The following GADL1 variants were observed in gnomAD, a reference collection of about 807,000 sequenced individuals.
The protein encoded by GADL1 is GAD like acidic amino acid decarboxylase 1.
Under a neutral mutation model 69.5 loss-of-function variants are expected in GADL1, and 71 were observed. The ratio of observed to expected loss-of-function variants is 1.02; its 90% CI spans 0.84 to 1.25. The LOEUF is 1.25. Among genes scored for constraint, GADL1 ranks in the 50% most tolerant of loss-of-function variants. The pLI, the probability that GADL1 is intolerant of heterozygous loss-of-function variation, is 0.00. For missense variants in GADL1, 737 were observed against 631.8 expected, an observed-to-expected ratio of 1.17 and a Z score of -1.79; for synonymous variants, 254 against 214.4, an observed-to-expected ratio of 1.18 and a Z score of -1.62.
chr3:30,756,134 G>A (rs1171279705), intron 14 of GADL1, among the ~76,000 whole-genome samples: 5 of 152,254 alleles, frequency 3.3e-5, no homozygotes, highest in African/African-American at 7.2e-5. Flanking sequence ...GCCACTCTTC[G>A]GGGCACAGGA....
At chr3:30,801,128 A>G in intron 11 of GADL1, 40 bp from the exon 12 acceptor site, 1 of 1,499,814 alleles carries the variant, frequency 6.7e-7, no homozygotes. Flanking sequence ...TAAACTTTAG[A>G]ATATAACTTG....
intron 14 of GADL1, among the ~76,000 whole-genome samples, chr3:30,758,529 T>C (rs1696036841): frequency 6.7e-6 from 1 of 148,218 alleles, no homozygotes; most frequent in Non-Finnish European, 1.5e-5. Context: ...AACTACCTCA[T>C]AGAGGGTGGT....
chr3:30,878,621 A>G (rs865911371), intron 1 of GADL1, among the ~76,000 whole-genome samples: 30 of 151,970 alleles, frequency 2.0e-4, no homozygotes, highest in Admixed American at 5.9e-4. Context: ...AGGACACTCC[A>G]CTCAGAGGCC....
rs986781901 is a variant in GADL1, at chr3:30,741,688, C to T, written c.1393-13273G>A. On this transcript the variant is annotated intron_variant, in intron 14 of 14. Coordinates refer to ENST00000282538, the MANE Select transcript of GADL1 (RefSeq NM_207359.3). ...ATTATGATTAGAATTATATTAAGCC[C>T]ATGTATAAATTAGGGAAAAATTAAT... is the stretch of plus-strand genomic sequence containing the variant. Among the ~76,000 whole-genome samples the T allele has an allele frequency of 3.3e-5, 5 of 152,166 alleles. No homozygotes were observed. In the East Asian group the frequency reaches 5.8e-4, roughly 18 times the overall value.
chr3:30,763,838 G>A (rs1379497115), intron 14 of GADL1, among the ~76,000 whole-genome samples: 1 of 151,756 alleles, frequency 6.6e-6, no homozygotes, highest in Admixed American at 6.5e-5. Context: ...CTTTTGACCA[G>A]AAAATTCTAA....
At chr3:30,793,060 G>A (rs1018104959) in intron 12 of GADL1, among the ~76,000 whole-genome samples, 7 of 152,096 alleles carry the variant, frequency 4.6e-5, no homozygotes, top group African/African-American at 1.7e-4. Flanking sequence ...ATATCCTAAT[G>A]AGTACTTCGA....
At chr3:30,793,812 C>T (rs115717279) in intron 12 of GADL1, among the ~76,000 whole-genome samples, 1,639 of 152,222 alleles carry the variant, frequency 0.011, 28 homozygotes, top group African/African-American at 0.038. Context: ...AGCCGCTTAG[C>T]GCCTCCCTGA....
intron 14 of GADL1, among the ~76,000 whole-genome samples, chr3:30,741,358 T>C (rs1349331994): frequency 6.6e-6 from 1 of 151,742 alleles, no homozygotes; most frequent in African/African-American, 2.4e-5. Flanking sequence ...TGCATAGAGA[T>C]ACACTCCTAC....
intron 1 of GADL1, among the ~76,000 whole-genome samples, chr3:30,882,326 T>C (rs1230904247): frequency 6.6e-6 from 1 of 151,896 alleles, no homozygotes; most frequent in South Asian, 2.1e-4. Context: ...TGTATACTCA[T>C]TGAATAATTC....
chr3:30,842,260 C>T (rs565165046), intron 8 of GADL1, among the ~76,000 whole-genome samples: 1 of 152,152 alleles, frequency 6.6e-6, no homozygotes, highest in African/African-American at 2.4e-5. Context: ...TTAAACAAAA[C>T]TATGGTATGT....
intron 1 of GADL1, among the ~76,000 whole-genome samples, chr3:30,863,349 C>T (rs951075642): frequency 1.3e-5 from 2 of 151,904 alleles, no homozygotes; most frequent in Non-Finnish European, 2.9e-5. Context: ...TTCAACCTTG[C>T]AGCTTAAGCA....
At chr3:30,770,865 G>A (rs1436710970) in intron 14 of GADL1, among the ~76,000 whole-genome samples, 1 of 152,132 alleles carries the variant, frequency 6.6e-6, no homozygotes. Context: ...TTTATAATGA[G>A]GACATCTGTA....
chr3:30,875,198 A>G (rs1332770917), intron 1 of GADL1, among the ~76,000 whole-genome samples: 1 of 149,388 alleles, frequency 6.7e-6, no homozygotes, highest in Non-Finnish European at 1.5e-5. Flanking sequence ...AAGCAGCCAG[A>G]CTCAAGGATA....
At chr3:30,786,726 T>G (rs936212672) in intron 12 of GADL1, among the ~76,000 whole-genome samples, 1 of 152,192 alleles carries the variant, frequency 6.6e-6, no homozygotes, top group Non-Finnish European at 1.5e-5. Flanking sequence ...ATACTGTAAA[T>G]GGGGGATTTA....
rs75068512 is a variant in GADL1, at chr3:30,835,477, C to G, written c.904-1196G>C. 4.9e-3 allele frequency among the ~76,000 whole-genome samples: 748 copies of G among 152,044 alleles called. 39 individuals are homozygous for G. In the East Asian group the frequency reaches 0.084, roughly 17 times the overall value. On this transcript the variant is annotated intron_variant, in intron 9 of 14. Transcript: ENST00000282538. Reference sequence around the variant, plus strand: ...TCCTCAGAGTATTACAAAATTTGGGCCCATTGGTAGCCAATAACAAGAAAG... The same window carrying G: ...TCCTCAGAGTATTACAAAATTTGGGGCCATTGGTAGCCAATAACAAGAAAG...
chr3:30,815,696 T>C (rs972217722), intron 11 of GADL1, among the ~76,000 whole-genome samples: 2 of 152,226 alleles, frequency 1.3e-5, no homozygotes, highest in South Asian at 4.1e-4. Flanking sequence ...TCAGCATTAC[T>C]ACTTCATTTT....
chr3:30,861,649 C>A lies in GADL1; in HGVS notation c.154G>T (p.Ala52Ser). The A allele has an allele frequency of 6.5e-7, 1 of 1,550,344 alleles. No individual in the cohort carries two copies. The change falls in exon 2 of 15, where the codon GCC becomes TCC. Residue 52 changes from alanine (A) to serine (S), a missense_variant. Transcript: ENST00000282538. ...AKAGEKFVEE[A>S]CRLIMEEVVL... ...ACCTCTTCCATTATTAGCCTACAGG[C>A]CTCTTCAACAAATTTTTCTCCAGCT...
At chr3:30,818,753 A>AC (rs1287224461) in intron 11 of GADL1, among the ~76,000 whole-genome samples, 6 of 151,788 alleles carry the variant, frequency 4.0e-5, no homozygotes, top group African/African-American at 1.2e-4. Context: ...GAATCTGGCA[A>AC]CCCTACACTG....
chr3:30,870,227 A>C (rs1015430592), intron 1 of GADL1, among the ~76,000 whole-genome samples: 15 of 151,892 alleles, frequency 9.9e-5, no homozygotes, highest in Admixed American at 8.5e-4. Context: ...ATGACTTCAT[A>C]GAATAAGGAC....
Sources: allele counts gnomAD v4.1 joint callset (sites outside exome capture counted in the v4.1 genomes callset), GRCh38; gene constraint gnomAD v4.1.1; transcripts MANE v1.5; gene names NCBI Gene and HGNC (gene_info 2026-07-23, HGNC 2026-07-21).